Variants in RSBN1 observed in about 807,000 individuals in gnomAD.
RSBN1 encodes lysine-specific demethylase 9.
Under a neutral mutation model 74.8 loss-of-function variants are expected in RSBN1, and 23 were observed. That is an observed-to-expected ratio of 0.31 (90% CI 0.22 to 0.44). RSBN1 has a LOEUF of 0.44. Ranked by LOEUF, RSBN1 falls within the 20% of genes least tolerant of loss-of-function variation. The pLI is 1.00. For synonymous variants in RSBN1, 407 were observed against 379.6 expected, an observed-to-expected ratio of 1.07 and a Z score of -0.84; for missense variants, 808 against 1,020.9, an observed-to-expected ratio of 0.79 and a Z score of 2.84.
chr1:113,810,163 C>T (rs1448226688), intron 1 of RSBN1, among the ~76,000 whole-genome samples: 3 of 152,078 alleles, frequency 2.0e-5, no homozygotes, highest in African/African-American at 7.2e-5. Context: ...CATCATGAAG[C>T]CTGGAGATGA....
intron 2 of RSBN1, among the ~76,000 whole-genome samples, chr1:113,791,731 GCCTA>G (rs1660367823): frequency 6.6e-6 from 1 of 151,704 alleles, no homozygotes; most frequent in Non-Finnish European, 1.5e-5. Flanking sequence ...AAAGAATCAA[GCCTA>G]CCATTTTTAT....
intron 1 of RSBN1, among the ~76,000 whole-genome samples, chr1:113,806,937 C>T (rs1041795207): frequency 3.3e-5 from 5 of 151,886 alleles, no homozygotes; most frequent in African/African-American, 1.2e-4. Context: ...CACTTGAGCC[C>T]CAGAGGTTGA....
chr1:113,812,104 C>A lies in RSBN1; in HGVS notation c.309G>T (p.Pro103=). ...SGGSQEKRGR[P]SQEPPLAPPH... is the part of the protein sequence containing the mutation. ...GGGGAGCGAGAGGGGGCTCCTGGCT[C>A]GGCCGCCCCCGCTTCTCCTGAGACC... The change falls in exon 1 of 7, where the codon CCG becomes CCT. Residue 103 remains proline, a synonymous_variant. Coordinates refer to ENST00000261441, the MANE Select transcript of RSBN1 (RefSeq NM_018364.5). 1.3e-6 allele frequency: 2 copies of A among 1,598,088 alleles called. No homozygotes were observed. The highest frequency in any genetic ancestry group is 1.7e-6 in the Non-Finnish European group (2 of 1,173,374).
chr1:113,812,234 C>G lies in RSBN1; in HGVS notation c.179G>C (p.Arg60Pro), dbSNP rs776932341. 12 of 1,606,490 alleles carry G rather than the reference C, an allele frequency of 7.5e-6. No individual in the cohort carries two copies. Among genetic ancestry groups the G allele is most frequent in the Non-Finnish European group, 9.3e-6 (11 of 1,179,870 alleles). ...AAQVGAVRVV[R>P]AVAAQEEPDK... ...CGGCTCCTCCTGCGCCGCCACCGCC[C>G]GTACTACGCGCACCGCTCCGACCTG... Residue 60 changes from arginine (R) to proline (P), a missense_variant, in exon 1 of 7, where the codon CGG becomes CCG. This residue lies in a region of RSBN1 where 464 missense variants were observed against 401.0 expected (regional missense o/e 1.16). Coordinates refer to ENST00000261441, the MANE Select transcript of RSBN1 (RefSeq NM_018364.5).
chr1:113,812,001 C>T lies in RSBN1; in HGVS notation c.412G>A (p.Val138Ile). 3 of 1,554,076 alleles carry T rather than the reference C, an allele frequency of 1.9e-6. No individual in the cohort carries two copies. Among genetic ancestry groups the T allele is most frequent in the African/African-American group, 1.4e-5 (1 of 73,564 alleles). The change falls in exon 1 of 7, where the codon GTT (valine) becomes ATT (isoleucine). Residue 138 changes from valine to isoleucine, a missense_variant. Around this residue, in one of 6 missense-constraint regions of RSBN1, gnomAD observed 464 missense variants for 401.0 expected, o/e 1.16. Coordinates refer to ENST00000261441, the MANE Select transcript of RSBN1 (RefSeq NM_018364.5). ...GGAGGCGGCAGGAGAAGAGGCTCAA[C>T]AGGGCCTGGGACAGTTGGGGCTGCA... ...TNAAPTVPGP[V>I]EPLLLPPPPP...
intron 1 of RSBN1, among the ~76,000 whole-genome samples, chr1:113,804,027 G>A (rs1050528491): frequency 7.2e-5 from 11 of 152,024 alleles, no homozygotes; most frequent in African/African-American, 2.7e-4. Context: ...TTAGCTACAG[G>A]CTGAGGTGGG....
At chr1:113,799,246 G>A (rs544268458) in intron 1 of RSBN1, among the ~76,000 whole-genome samples, 1 of 152,172 alleles carries the variant, frequency 6.6e-6, no homozygotes, top group African/African-American at 2.4e-5. Context: ...TGAGGAGTAT[G>A]GAGTCTCCAT....
chr1:113,771,120 G>A (rs1422849561), intron 4 of RSBN1, among the ~76,000 whole-genome samples: 1 of 152,030 alleles, frequency 6.6e-6, no homozygotes, highest in Non-Finnish European at 1.5e-5. Flanking sequence ...GATGCTATAA[G>A]CTTGCAGACA....
intron 1 of RSBN1, 42 bp from the exon 2 acceptor site, chr1:113,798,078 T>A: frequency 6.6e-7 from 1 of 1,520,260 alleles, no homozygotes; most frequent in South Asian, 1.3e-5. Context: ...CTAGGACTAG[T>A]GTCAACATAC....
chr1:113,800,149 TA>T (rs1304192947), intron 1 of RSBN1, among the ~76,000 whole-genome samples: 7 of 152,130 alleles, frequency 4.6e-5, no homozygotes, highest in Non-Finnish European at 1.5e-5. Flanking sequence ...AGAAAATACT[TA>T]AAAAAGCAAG....
chr1:113,771,880 T>C (rs1207540666), intron 4 of RSBN1, among the ~76,000 whole-genome samples: 1 of 148,684 alleles, frequency 6.7e-6, no homozygotes, highest in Non-Finnish European at 1.5e-5. Flanking sequence ...TTTATGTTCC[T>C]ACCTCAAAAA....
At chr1:113,770,006 G>A (rs1372397886) in intron 4 of RSBN1, among the ~76,000 whole-genome samples, 1 of 152,040 alleles carries the variant, frequency 6.6e-6, no homozygotes, top group Non-Finnish European at 1.5e-5. Context: ...ATTTTTATTA[G>A]GCATCTCATT....
chr1:113,789,325 C>T (rs773627214), intron 2 of RSBN1, among the ~76,000 whole-genome samples: 13 of 152,152 alleles, frequency 8.5e-5, no homozygotes, highest in African/African-American at 1.4e-4. Context: ...TCAACAGGAA[C>T]TCATACATTT....
intron 1 of RSBN1, among the ~76,000 whole-genome samples, chr1:113,800,666 C>T (rs868709219): frequency 6.6e-6 from 1 of 152,098 alleles, no homozygotes; most frequent in Non-Finnish European, 1.5e-5. Flanking sequence ...AGATCTGCCA[C>T]TGAAATTAGC....
In RSBN1 at chr1:113,768,060, A is replaced by C. The variant is rs555518199; in HGVS notation, c.1826+162T>G. On this transcript the variant is annotated intron_variant, in intron 5 of 6. Transcript: ENST00000261441. ...GGAGCTCTGTTTCGTAACAATGTAA[A>C]GATGCTTAACTCTACCAAATGTACA... 9 of 520,516 alleles carry C rather than the reference A, an allele frequency of 1.7e-5. 1 individual carries two copies. In the South Asian group the frequency reaches 3.6e-4, roughly 21 times the overall value. 32.2% of individuals were successfully genotyped at this position (520,516 alleles called of 1,614,324 possible). A position where few individuals can be genotyped will look rare whatever the true frequency, so the allele number is the denominator to read the frequency against.
At chr1:113,793,422 C>A (rs769091951) in intron 2 of RSBN1, among the ~76,000 whole-genome samples, 25 of 152,190 alleles carry the variant, frequency 1.6e-4, no homozygotes, top group Non-Finnish European at 3.5e-4. Flanking sequence ...ATAAAATAAA[C>A]ACTTCATTCT....
In RSBN1 at chr1:113,777,365, C is replaced by A. The variant is rs373770752; in HGVS notation, c.1516-13G>T. On this transcript the variant is annotated splice_polypyrimidine_tract_variant and intron_variant, in intron 3 of 6. Transcript: ENST00000261441. ...AGGGCAAAGTCATCTAGAAATCAGA[C>A]GGATTAGTCACATTAAAAAATTGTT... The A allele has an allele frequency of 4.4e-6, 7 of 1,594,532 alleles. No individual in the cohort carries two copies. In the Admixed American group the frequency reaches 1.2e-4, roughly 28 times the overall value.
At chr1:113,806,831 C>A (rs1187160617) in intron 1 of RSBN1, among the ~76,000 whole-genome samples, 3 of 113,822 alleles carry the variant, frequency 2.6e-5, no homozygotes, top group East Asian at 4.3e-4. Context: ...AGAGACCCTG[C>A]CTCTATCAAA....
rs533547691 is a variant in RSBN1, at chr1:113,764,615, A to ATT, written c.*1363_*1364dup. The stretch of plus-strand genomic sequence containing the variant: ...CAGACATAATAAAGCAGCATCTTGT[A>ATT]TTTTTTTTTTTTTTTGCCTATGTTA... On this transcript the variant is annotated 3_prime_UTR_variant, in exon 7 of 7. Transcript: ENST00000261441. 2,353 of 133,120 alleles carry ATT rather than the reference A, an allele frequency of 0.018. 64 individuals carry two copies. Among genetic ancestry groups the ATT allele is most frequent in the African/African-American group, 0.056 (2,035 of 36,600 alleles). The allele number at this position is 133,120 out of a possible 1,614,324, so 8.2% of individuals were successfully genotyped here.
Sources: allele counts gnomAD v4.1 joint callset (sites outside exome capture counted in the v4.1 genomes callset), GRCh38; gene constraint gnomAD v4.1.1; regional missense constraint gnomAD v4.1.1; transcripts MANE v1.5; gene names NCBI Gene and HGNC (gene_info 2026-07-23, HGNC 2026-07-21).